P2RX7: variants seen among roughly 807,000 people sequenced by gnomAD.
P2RX7 encodes purinergic receptor P2X 7.
In P2RX7, 62 loss-of-function variants were observed where a neutral mutation model predicts 71.6. The observed-to-expected ratio is 0.87, with a 90% CI of 0.71 to 1.07. P2RX7 has a LOEUF of 1.07. P2RX7 is among the 50% of genes least tolerant of loss of function. The pLI is 0.00. For missense variants in P2RX7, 686 were observed against 748.5 expected (o/e 0.92, Z 0.97); for synonymous variants, 299 against 283.3 (o/e 1.06, Z -0.56).
At chr12:121,137,864 T>G (rs766959206) in intron 1 of P2RX7, among the ~76,000 whole-genome samples, 4 of 152,220 alleles carry the variant, frequency 2.6e-5, no homozygotes, top group Non-Finnish European at 5.9e-5. Flanking sequence ...CTACTGGGGC[T>G]GCAAGGACTA....
chr12:121,163,991 A>G (rs953832532), intron 5 of P2RX7, among the ~76,000 whole-genome samples: 3 of 150,580 alleles, frequency 2.0e-5, no homozygotes, highest in African/African-American at 7.4e-5. Flanking sequence ...TAATAGCTCC[A>G]CTCAGGTTCA....
At chr12:121,146,558 C>A (rs756449606) in intron 1 of P2RX7, among the ~76,000 whole-genome samples, 1 of 152,136 alleles carries the variant, frequency 6.6e-6, no homozygotes, top group Admixed American at 6.6e-5. Context: ...TCCCAAAGTG[C>A]TGGGATTACA....
chr12:121,140,846 G>A (rs1330106938), intron 1 of P2RX7, among the ~76,000 whole-genome samples: 1 of 152,226 alleles, frequency 6.6e-6, no homozygotes, highest in African/African-American at 2.4e-5. Flanking sequence ...CCAACACTGG[G>A]AGGCTGAAGC....
At chr12:121,133,852 A>G (rs1439101645) in intron 1 of P2RX7, among the ~76,000 whole-genome samples, 1 of 152,144 alleles carries the variant, frequency 6.6e-6, no homozygotes, top group Non-Finnish European at 1.5e-5. Context: ...GCGTGTTTTC[A>G]ATGCTCATCC....
At chr12:121,146,568 A>G (rs150877869) in intron 1 of P2RX7, among the ~76,000 whole-genome samples, 5,458 of 152,162 alleles carry the variant, frequency 0.036, 302 homozygotes, top group African/African-American at 0.12. Flanking sequence ...CTGGGATTAC[A>G]GCGTGAGCCA....
At chr12:121,166,759 A>C (rs2136096621) in intron 7 of P2RX7, among the ~76,000 whole-genome samples, 1 of 152,046 alleles carries the variant, frequency 6.6e-6, no homozygotes, top group Non-Finnish European at 1.5e-5. Context: ...TCCTTCATTT[A>C]GGCTGGGCAC....
intron 1 of P2RX7, among the ~76,000 whole-genome samples, chr12:121,144,642 G>A (rs1875744527): frequency 6.6e-6 from 1 of 152,172 alleles, no homozygotes; most frequent in Admixed American, 6.5e-5. Flanking sequence ...GCAGTGTAGA[G>A]AGTAGAGGGG....
rs777732798 is a variant in P2RX7 at position 121,162,521 on chromosome 12, G to T, written c.533+1G>T. ...TCGAGGCAGTGGAAGAGGCCCCCCG[G>T]TGAGTCGCATGGGGAGACAGACACA... is the stretch of plus-strand genomic sequence containing the variant. On this transcript the variant is annotated splice_donor_variant, in intron 5 of 12. Transcript: ENST00000328963. LOFTEE classifies it high-confidence loss of function. 2 of 1,612,272 alleles carry T rather than the reference G, an allele frequency of 1.2e-6. No individual in the cohort carries two copies. The highest frequency in any genetic ancestry group is 2.2e-5 in the East Asian group (1 of 44,884).
intron 1 of P2RX7, among the ~76,000 whole-genome samples, chr12:121,143,837 T>C (rs986610519): frequency 6.6e-6 from 1 of 152,094 alleles, no homozygotes; most frequent in African/African-American, 2.4e-5. Flanking sequence ...GGTGGCAGAG[T>C]GAGACTCCGT....
intron 8 of P2RX7, among the ~76,000 whole-genome samples, chr12:121,169,497 T>C (rs1315563031): frequency 2.0e-5 from 3 of 152,224 alleles, no homozygotes; most frequent in African/African-American, 7.2e-5. Context: ...GCATGTGCTG[T>C]GTGTTATGGA....
At chr12:121,178,481 G>C (rs1883528640) in intron 11 of P2RX7, among the ~76,000 whole-genome samples, 1 of 152,138 alleles carries the variant, frequency 6.6e-6, no homozygotes, top group Admixed American at 6.6e-5. Context: ...AGGAAATTGA[G>C]CCACAGAAAG....
chr12:121,164,524 T>C (rs190677918), intron 5 of P2RX7, among the ~76,000 whole-genome samples: 1 of 152,338 alleles, frequency 6.6e-6, no homozygotes, highest in African/African-American at 2.4e-5. Context: ...CTCACGCCTG[T>C]AATCCCAACA....
In P2RX7 at chr12:121,149,907, G is replaced by A. The variant is rs1203831381; in HGVS notation, c.126-4878G>A. Among the ~76,000 whole-genome samples the A allele has an allele frequency of 1.3e-5, 2 of 152,052 alleles. No homozygotes were observed. Among genetic ancestry groups the A allele is most frequent in the Non-Finnish European group, 2.9e-5 (2 of 68,016 alleles). ...CTCCCCGGCTCAGTGAAATCCCTAG[G>A]TCCTTCACACTCCCGTTAGCTCCAG... On this transcript the variant is annotated intron_variant, in intron 1 of 12. Transcript: ENST00000328963. This position sits in a 1 kb window ranked among gnomAD's most constrained non-coding sequence, Gnocchi z 4.7.
chr12:121,155,507 A>G (rs1170062316), intron 2 of P2RX7: 1 of 827,560 alleles, frequency 1.2e-6, no homozygotes, highest in Non-Finnish European at 1.7e-6. Context: ...GAGAAATTAA[A>G]GTAGGGTTGA....
rs1876928920 is a variant in P2RX7 at position 121,149,426 on chromosome 12, C to T, written c.126-5359C>T. 6.6e-6 allele frequency among the ~76,000 whole-genome samples: 1 copy of T among 152,116 alleles called. No individual in the cohort carries two copies. Among genetic ancestry groups the T allele is most frequent in the Admixed American group, 6.5e-5 (1 of 15,270 alleles). On this transcript the variant is annotated intron_variant, in intron 1 of 12. Coordinates refer to ENST00000328963, the MANE Select transcript of P2RX7 (RefSeq NM_002562.6). The surrounding 1 kb of genome is among the most constrained non-coding windows in gnomAD (Gnocchi z 4.7). ...CCACAGTTCCACATGGCTGGGAAGGCCTCACAATCATGGCAGAGGGCGAAA... is the reference window on the plus strand; with the variant it reads ...CCACAGTTCCACATGGCTGGGAAGGTCTCACAATCATGGCAGAGGGCGAAA...
intron 5 of P2RX7, 78 bp downstream of exon 5, chr12:121,162,598 C>T (rs1879974789): frequency 1.3e-6 from 2 of 1,534,850 alleles, no homozygotes; most frequent in East Asian, 2.3e-5. Flanking sequence ...CTTGGGCCTT[C>T]CCCTCTCAGC....
chr12:121,148,797 C>A (rs1367211271), intron 1 of P2RX7, among the ~76,000 whole-genome samples: 4 of 152,162 alleles, frequency 2.6e-5, no homozygotes, highest in African/African-American at 9.7e-5. Flanking sequence ...TGGACCTGAT[C>A]GGATTCTCCT....
intron 1 of P2RX7, chr12:121,148,932 T>A (rs573109305): frequency 5.1e-6 from 2 of 391,124 alleles, no homozygotes; most frequent in Admixed American, 6.5e-5. Context: ...CTGGCTTAGG[T>A]GTGAGCTAAG....
chr12:121,177,087 T>C, intron 9 of P2RX7, 60 bp from the exon 10 acceptor site: 1 of 1,472,434 alleles, frequency 6.8e-7, no homozygotes, highest in Admixed American at 1.7e-5. Context: ...AATTGCACGT[T>C]GAAGCAAAAG....
Sources: allele counts gnomAD v4.1 joint callset (sites outside exome capture counted in the v4.1 genomes callset), GRCh38; gene constraint gnomAD v4.1.1; non-coding constraint Gnocchi (gnomAD v3.1); transcripts MANE v1.5; gene names NCBI Gene and HGNC (gene_info 2026-07-23, HGNC 2026-07-21).